Variants in FBXW7 observed in about 807,000 individuals in gnomAD.
The protein encoded by FBXW7 is F-box/WD repeat-containing protein 7.
In FBXW7, 11 loss-of-function variants were observed where a neutral mutation model predicts 86.3. The observed-to-expected ratio is 0.13, with a 90% CI of 0.08 to 0.21. The LOEUF (loss-of-function observed/expected upper bound fraction) is 0.21. Among genes scored for constraint, FBXW7 ranks in the 10% least tolerant of loss-of-function variants. FBXW7 has a pLI of 1.00. For synonymous variants in FBXW7, 313 were observed against 297.9 expected (o/e 1.05, Z -0.52); for missense variants, 488 against 847.4 (o/e 0.58, Z 5.27).
intron 4 of FBXW7, among the ~76,000 whole-genome samples, 158 bp from the exon 5 acceptor site, chr4:152,350,282 T>C (rs945341215): frequency 6.6e-6 from 1 of 151,770 alleles, no homozygotes; most frequent in African/African-American, 2.4e-5. Flanking sequence ...CTATTTGTTC[T>C]ACTTTGTTTT....
At chr4:152,401,580 A>C (rs1736932698) in intron 4 of FBXW7, among the ~76,000 whole-genome samples, 1 of 152,218 alleles carries the variant, frequency 6.6e-6, no homozygotes, top group Non-Finnish European at 1.5e-5. Context: ...AAGGTAGTGA[A>C]ACCATTCTCT....
At chr4:152,512,243 G>A (rs150319181) in intron 2 of FBXW7, among the ~76,000 whole-genome samples, 207 of 152,134 alleles carry the variant, frequency 1.4e-3, no homozygotes, top group Middle Eastern at 0.01. Flanking sequence ...TATCTATATT[G>A]TCTACATAAT....
intron 2 of FBXW7, among the ~76,000 whole-genome samples, chr4:152,522,097 T>C (rs1228783657): frequency 6.6e-6 from 1 of 152,118 alleles, no homozygotes; most frequent in South Asian, 2.1e-4. Context: ...TAATAAAACA[T>C]ATGGAAAGAG....
At chr4:152,423,519 G>A (rs1170626902) in intron 2 of FBXW7, among the ~76,000 whole-genome samples, 1 of 152,044 alleles carries the variant, frequency 6.6e-6, no homozygotes, top group African/African-American at 2.4e-5. Flanking sequence ...ATACAACAGT[G>A]GTTATTAAAC....
intron 2 of FBXW7, among the ~76,000 whole-genome samples, chr4:152,530,057 A>C (rs942623832): frequency 1.1e-4 from 14 of 128,246 alleles, no homozygotes; most frequent in African/African-American, 4.1e-4. Context: ...CCCCGTCACA[A>C]AAAAAAAAAA....
chr4:152,491,175 G>C (rs578127899), intron 2 of FBXW7, among the ~76,000 whole-genome samples: 1 of 152,178 alleles, frequency 6.6e-6, no homozygotes, highest in South Asian at 2.1e-4. Flanking sequence ...AAATCAGAAA[G>C]AAACCATTAT....
intron 4 of FBXW7, among the ~76,000 whole-genome samples, chr4:152,365,726 T>C (rs1364576063): frequency 1.3e-5 from 2 of 152,142 alleles, no homozygotes; most frequent in Non-Finnish European, 2.9e-5. Context: ...CCAAATCTCA[T>C]GCTCCAACTG....
chr4:152,513,374 C>A (rs1014779204), intron 2 of FBXW7, among the ~76,000 whole-genome samples: 4 of 152,158 alleles, frequency 2.6e-5, no homozygotes, highest in African/African-American at 9.7e-5. Flanking sequence ...CTATTGTTAA[C>A]CCTAATCCAG....
At chr4:152,383,782 A>G (rs2126785853) in intron 4 of FBXW7, among the ~76,000 whole-genome samples, 1 of 152,280 alleles carries the variant, frequency 6.6e-6, no homozygotes, top group Middle Eastern at 3.4e-3. Flanking sequence ...TATGCACAAG[A>G]AATAGTCCCA....
At chr4:152,329,891 C>CG in intron 9 of FBXW7, 106 bp from the exon 10 acceptor site, 1 of 507,476 alleles carries the variant, frequency 2.0e-6, no homozygotes, top group Non-Finnish European at 3.3e-6. Context: ...AATTTGTAGT[C>CG]TATCTCTAGA....
chr4:152,440,152 G>A (rs1191461395), intron 2 of FBXW7, among the ~76,000 whole-genome samples: 1 of 152,062 alleles, frequency 6.6e-6, no homozygotes, highest in Non-Finnish European at 1.5e-5. Flanking sequence ...GGCCTCTTAT[G>A]CCAAACTAAA....
intron 2 of FBXW7, among the ~76,000 whole-genome samples, chr4:152,456,362 A>T (rs1188951627): frequency 5.9e-3 from 302 of 51,140 alleles, no homozygotes; most frequent in African/African-American, 0.044. Flanking sequence ...AAAATCCTTA[A>T]AAAAAAAAAA....
At chr4:152,448,595 ACT>A (rs1351877046) in intron 2 of FBXW7, among the ~76,000 whole-genome samples, 1 of 152,162 alleles carries the variant, frequency 6.6e-6, no homozygotes, top group Non-Finnish European at 1.5e-5. Context: ...CCACACATTG[ACT>A]TGCTCATTAG....
At chr4:152,326,446 G>A (rs897303017) in intron 11 of FBXW7, among the ~76,000 whole-genome samples, 2 of 151,150 alleles carry the variant, frequency 1.3e-5, no homozygotes, top group African/African-American at 4.9e-5. Flanking sequence ...CTAGAATGCT[G>A]CATGCTTGGT....
intron 2 of FBXW7, among the ~76,000 whole-genome samples, chr4:152,485,201 C>T (rs944109792): frequency 4.0e-5 from 6 of 151,750 alleles, no homozygotes; most frequent in Non-Finnish European, 7.4e-5. Flanking sequence ...ACAGTAAATA[C>T]AACATATCAG....
At chr4:152,524,286 C>A (rs1457900223) in intron 2 of FBXW7, among the ~76,000 whole-genome samples, 2 of 152,168 alleles carry the variant, frequency 1.3e-5, no homozygotes, top group African/African-American at 4.8e-5. Context: ...AAGCTTGCCT[C>A]TCAGCTACTA....
intron 4 of FBXW7, among the ~76,000 whole-genome samples, chr4:152,396,829 A>G (rs1411341343): frequency 6.6e-6 from 1 of 152,106 alleles, no homozygotes; most frequent in Non-Finnish European, 1.5e-5. Flanking sequence ...CCACTAAGGC[A>G]TAAAAAATAT....
At chr4:152,356,919 A>G (rs1182952633) in intron 4 of FBXW7, among the ~76,000 whole-genome samples, 2 of 152,192 alleles carry the variant, frequency 1.3e-5, no homozygotes, top group African/African-American at 2.4e-5. Flanking sequence ...ACAGAATATT[A>G]TATACATCAA....
intron 2 of FBXW7, among the ~76,000 whole-genome samples, chr4:152,433,754 TAAC>T (rs1474394315): frequency 3.3e-5 from 5 of 152,110 alleles, no homozygotes; most frequent in Non-Finnish European, 7.4e-5. Flanking sequence ...GAAATATCCA[TAAC>T]AATTTAAAAT....
Sources: allele counts gnomAD v4.1 joint callset (sites outside exome capture counted in the v4.1 genomes callset), GRCh38; gene constraint gnomAD v4.1.1; transcripts MANE v1.5; gene names NCBI Gene and HGNC (gene_info 2026-07-23, HGNC 2026-07-21).